Variants in RECK observed in about 807,000 individuals in gnomAD.
RECK encodes reversion-inducing cysteine-rich protein with Kazal motifs.
In RECK, 69 loss-of-function variants were observed where a neutral mutation model predicts 115.1. That is an observed-to-expected ratio of 0.60 (90% CI 0.49 to 0.73). The LOEUF (loss-of-function observed/expected upper bound fraction) is 0.73. Among genes scored for constraint, RECK ranks in the 30% least tolerant of loss-of-function variants. RECK has a pLI of 0.00. For synonymous variants in RECK, 414 were observed against 419.7 expected, an observed-to-expected ratio of 0.99 and a Z score of 0.17; for missense variants, 1,047 against 1,203.7, an observed-to-expected ratio of 0.87 and a Z score of 1.93.
chr9:36,081,927 C>T lies in RECK; in HGVS notation c.439+1289C>T, dbSNP rs548243588. Among the ~76,000 whole-genome samples the T allele has an allele frequency of 6.6e-5, 10 of 151,914 alleles. No homozygotes were observed. In the South Asian group the frequency reaches 1.0e-3, roughly 16 times the overall value. On this transcript the variant is annotated intron_variant, in intron 7 of 20. Transcript: ENST00000377966. The stretch of plus-strand genomic sequence containing the variant: ...GTAGTAGTTGCAAGTTTAAAAGAGG[C>T]GGTACAGTAGGTATGGAATAGTTTC...
chr9:36,054,261 T>A (rs1195621232), intron 2 of RECK, among the ~76,000 whole-genome samples: 4 of 151,814 alleles, frequency 2.6e-5, no homozygotes, highest in Non-Finnish European at 5.9e-5. Flanking sequence ...CTCTAGGAGG[T>A]TAGGGAAAAG....
At chr9:36,043,933 A>G (rs1820980563) in intron 1 of RECK, among the ~76,000 whole-genome samples, 1 of 152,128 alleles carries the variant, frequency 6.6e-6, no homozygotes, top group Non-Finnish European at 1.5e-5. Flanking sequence ...TATAATTTGA[A>G]GCTTCCATTT....
At position 36,101,578 on chromosome 9, in the gene RECK, G is replaced by A. The variant is rs1222623260; in HGVS notation, c.1299-516G>A. Among the ~76,000 whole-genome samples the A allele has an allele frequency of 2.6e-5, 4 of 152,254 alleles. 1 individual carries two copies. The South Asian group carries it at 6.2e-4, about 24-fold the overall frequency. ...TGACAAGCAAGAGGCAACAAGAGGGGAATATGTAGACTCTTAGCACAGAAA... is the reference window on the plus strand; with the variant it reads ...TGACAAGCAAGAGGCAACAAGAGGGAAATATGTAGACTCTTAGCACAGAAA... On this transcript the variant is annotated intron_variant, in intron 11 of 20. Transcript: ENST00000377966.
At position 36,124,291 on chromosome 9, in the gene RECK, G is replaced by A. The variant is rs191216848; in HGVS notation, c.*1246G>A. 7.2e-5 allele frequency: 11 copies of A among 152,648 alleles called. No homozygotes were observed. In the East Asian group the frequency reaches 1.3e-3, roughly 19 times the overall value. 9.5% of individuals were successfully genotyped at this position (152,648 alleles called of 1,614,324 possible). On this transcript the variant is annotated 3_prime_UTR_variant, in exon 21 of 21. Transcript: ENST00000377966. ...CCCTCTGAAATACATAGGGATATGC[G>A]TATTATACCAAAATGTTGCTGAAAA...
intron 11 of RECK, 130 bp from the exon 12 acceptor site, chr9:36,101,964 C>T (rs1823580274): frequency 2.3e-6 from 2 of 867,954 alleles, no homozygotes; most frequent in Admixed American, 2.9e-5. Flanking sequence ...TCCTGTGACT[C>T]TTGTTCTCTT....
In RECK at chr9:36,065,592, G is replaced by T; in HGVS notation, c.373G>T (p.Asp125Tyr). 6.3e-7 allele frequency: 1 copy of T among 1,587,130 alleles called. No homozygotes were observed. Among genetic ancestry groups the T allele is most frequent in the Non-Finnish European group, 8.6e-7 (1 of 1,168,838 alleles). Residue 125 changes from aspartate to tyrosine, a missense_variant, in exon 6 of 21, where the codon GAT becomes TAT. Physicochemically the swap from Asp to Tyr is radical, Grantham distance 160. Coordinates refer to ENST00000377966, the MANE Select transcript of RECK (RefSeq NM_021111.3). ...TGGTTTTTAGGCATCTTCAAAGAAT[G>T]ATATTTCCAAAGTTTGCAGAAAAGA... ...QACKQASSKNDISKVCRKEYE... is the reference protein window; with the variant it reads ...QACKQASSKNYISKVCRKEYE...
At chr9:36,100,833 G>A (rs1276881037) in intron 11 of RECK, among the ~76,000 whole-genome samples, 1 of 151,908 alleles carries the variant, frequency 6.6e-6, no homozygotes, top group East Asian at 1.9e-4. Flanking sequence ...ACCTTTATTT[G>A]TACTTCTCTT....
chr9:36,110,405 A>G (rs1823994666), intron 15 of RECK, among the ~76,000 whole-genome samples: 1 of 152,136 alleles, frequency 6.6e-6, no homozygotes. Context: ...TACTGCTATG[A>G]TCTAAAATGT....
At chr9:36,105,038 C>T (rs2132657148) in intron 12 of RECK, 105 bp from the exon 13 acceptor site, 1 of 870,408 alleles carries the variant, frequency 1.1e-6, no homozygotes, top group East Asian at 2.7e-5. Flanking sequence ...CCTTACTTTA[C>T]ACTCATGAGC....
chr9:36,093,784 G>T (rs571678663), intron 10 of RECK, among the ~76,000 whole-genome samples: 2 of 152,034 alleles, frequency 1.3e-5, no homozygotes, highest in Non-Finnish European at 2.9e-5. Flanking sequence ...TACAAAGAGA[G>T]ACACACCTAG....
intron 1 of RECK, among the ~76,000 whole-genome samples, chr9:36,039,568 T>C (rs1174123974): frequency 6.6e-6 from 1 of 152,204 alleles, no homozygotes; most frequent in African/African-American, 2.4e-5. Flanking sequence ...CTCAATGGTT[T>C]TCTCTTTGGA....
chr9:36,078,475 A>G (rs1822545430), intron 6 of RECK, among the ~76,000 whole-genome samples: 1 of 152,152 alleles, frequency 6.6e-6, no homozygotes, highest in South Asian at 2.1e-4. Context: ...TGCGGGAGGG[A>G]GACTGTCCTG....
At chr9:36,065,321 A>T (rs1181619811) in intron 5 of RECK, among the ~76,000 whole-genome samples, 1 of 149,296 alleles carries the variant, frequency 6.7e-6, no homozygotes, top group Non-Finnish European at 1.5e-5. Context: ...CTGTGTTGTT[A>T]TGTGAAATTA....
intron 9 of RECK, among the ~76,000 whole-genome samples, chr9:36,088,592 A>G (rs1488055776): frequency 6.6e-6 from 1 of 152,262 alleles, no homozygotes; most frequent in Non-Finnish European, 1.5e-5. Context: ...ATATCCTGAA[A>G]TGAATATAAG....
chr9:36,091,187 G>A lies in RECK; in HGVS notation c.929G>A (p.Ser310Asn), dbSNP rs749822134. ...TCRELCTKLY[S>N]MSWGNTQSWQ... The stretch of plus-strand genomic sequence containing the variant: ...AGGGAACTCTGCACTAAACTTTACA[G>A]CATGAGCTGGGGCAATACACAGAGT... Residue 310 changes from serine to asparagine, a missense_variant, in exon 10 of 21, where the codon AGC becomes AAC. Physicochemically the swap from Ser to Asn is conservative, Grantham distance 46 (BLOSUM62 1). Coordinates refer to ENST00000377966, the MANE Select transcript of RECK (RefSeq NM_021111.3). The A allele has an allele frequency of 6.2e-7, 1 of 1,614,016 alleles. No homozygotes were observed. Among genetic ancestry groups the A allele is most frequent in the Non-Finnish European group, 8.5e-7 (1 of 1,179,944 alleles).
intron 4 of RECK, among the ~76,000 whole-genome samples, chr9:36,062,462 T>TTTG (rs946150931): frequency 1.8e-4 from 28 of 151,532 alleles, no homozygotes; most frequent in South Asian, 6.3e-4. Flanking sequence ...CACCCAGTCT[T>TTTG]TTGTTGTTGT....
intron 6 of RECK, among the ~76,000 whole-genome samples, chr9:36,079,632 C>T (rs923729663): frequency 3.3e-5 from 5 of 152,162 alleles, no homozygotes; most frequent in Admixed American, 6.5e-5. Flanking sequence ...TAACAAATCC[C>T]CATCACCTAG....
At chr9:36,105,429 T>G in intron 13 of RECK, 146 bp downstream of exon 13, 2 of 712,516 alleles carry the variant, frequency 2.8e-6, no homozygotes, top group Non-Finnish European at 4.5e-6. Flanking sequence ...TCATGTTCTA[T>G]ATTATGTTTT....
At chr9:36,061,490 A>T (rs1821765610) in intron 4 of RECK, among the ~76,000 whole-genome samples, 1 of 151,650 alleles carries the variant, frequency 6.6e-6, no homozygotes, top group African/African-American at 2.4e-5. Flanking sequence ...TATTTTATTT[A>T]TTCCATAATT....
Sources: gnomAD v4.1 joint callset for allele counts (sites outside exome capture counted in the v4.1 genomes callset) on GRCh38, gnomAD v4.1.1 for gene constraint, MANE v1.5 for transcripts, NCBI Gene and HGNC (gene_info 2026-07-23, HGNC 2026-07-21) for gene names.